Variants in PTCHD4 observed in about 807,000 individuals in gnomAD.
The protein encoded by PTCHD4 is patched domain-containing protein 4.
Under a neutral mutation model 58.1 loss-of-function variants are expected in PTCHD4, and 33 were observed. That is an observed-to-expected ratio of 0.57 (90% CI 0.43 to 0.76). The LOEUF (loss-of-function observed/expected upper bound fraction) is 0.76, where lower values mean the gene tolerates loss of function less well. Ranked by LOEUF, PTCHD4 falls within the 30% of genes least tolerant of loss-of-function variation. The pLI is 0.00. For missense variants in PTCHD4, 1,058 were observed against 1,027.1 expected, an observed-to-expected ratio of 1.03 and a Z score of -0.41; for synonymous variants, 478 against 409.6, an observed-to-expected ratio of 1.17 and a Z score of -2.02.
At chr6:47,905,146 T>C (rs935825056) in intron 4 of PTCHD4, among the ~76,000 whole-genome samples, 2 of 150,564 alleles carry the variant, frequency 1.3e-5, no homozygotes, top group East Asian at 3.9e-4. Context: ...TGGCTGGAGA[T>C]GATGAGTTGT....
Position 48,031,659 on chromosome 6 carries a change from C to T in PTCHD4, c.418-22545G>A, listed in dbSNP as rs142746485. On this transcript the variant is annotated intron_variant, in intron 3 of 4. Transcript: ENST00000339488. ...ATTCGGGAAAATTCAGGGAGGCAAA[C>T]AGTACTGCAAAATAGTAACACCTCT... 2.6e-4 allele frequency among the ~76,000 whole-genome samples: 39 copies of T among 152,100 alleles called. 1 individual carries two copies. Among genetic ancestry groups the T allele is most frequent in the African/African-American group, 9.4e-4 (39 of 41,534 alleles).
chr6:48,043,145 C>T (rs549714567), intron 3 of PTCHD4, among the ~76,000 whole-genome samples: 3 of 151,976 alleles, frequency 2.0e-5, no homozygotes, highest in Non-Finnish European at 4.4e-5. Flanking sequence ...AACACACACA[C>T]AAACCAATGT....
intron 1 of PTCHD4, among the ~76,000 whole-genome samples, chr6:48,091,396 T>C (rs9473236): frequency 0.17 from 25,173 of 151,962 alleles, 2,221 homozygotes; most frequent in African/African-American, 0.23. Flanking sequence ...TAGATAGATA[T>C]TTAGGCCCCA....
intron 4 of PTCHD4, among the ~76,000 whole-genome samples, chr6:47,890,129 ATGTG>A (rs1764331047): frequency 6.6e-6 from 1 of 151,630 alleles, no homozygotes; most frequent in South Asian, 2.1e-4. Flanking sequence ...TATATAGTAT[ATGTG>A]TGTGTGTTTA....
At chr6:48,061,353 T>C (rs1237486467) in intron 3 of PTCHD4, among the ~76,000 whole-genome samples, 1 of 152,224 alleles carries the variant, frequency 6.6e-6, no homozygotes, top group Non-Finnish European at 1.5e-5. Context: ...GAACAGCCTC[T>C]TGATAATTCT....
intron 4 of PTCHD4, among the ~76,000 whole-genome samples, chr6:47,996,611 G>C (rs141994294): frequency 6.6e-6 from 1 of 152,196 alleles, no homozygotes; most frequent in Non-Finnish European, 1.5e-5. Flanking sequence ...TGACCACACA[G>C]TCTTGAGAAT....
chr6:47,971,156 A>G (rs1767489678), intron 4 of PTCHD4, among the ~76,000 whole-genome samples: 1 of 152,176 alleles, frequency 6.6e-6, no homozygotes, highest in South Asian at 2.1e-4. Flanking sequence ...ACAAACAGGA[A>G]AAAGGACATA....
At chr6:47,916,303 G>A (rs1434913881) in intron 4 of PTCHD4, among the ~76,000 whole-genome samples, 1 of 152,056 alleles carries the variant, frequency 6.6e-6, no homozygotes, top group Non-Finnish European at 1.5e-5. Flanking sequence ...TTGCCTAGGT[G>A]GAAACTGGCC....
At chr6:47,899,147 C>T (rs1221063691) in intron 4 of PTCHD4, among the ~76,000 whole-genome samples, 4 of 152,158 alleles carry the variant, frequency 2.6e-5, no homozygotes, top group Non-Finnish European at 4.4e-5. Flanking sequence ...ATATCACATC[C>T]GCCACAACTC....
intron 3 of PTCHD4, among the ~76,000 whole-genome samples, chr6:48,061,303 G>C (rs1182866642): frequency 6.6e-6 from 1 of 152,150 alleles, no homozygotes. Flanking sequence ...CAGGTGACAG[G>C]CTCAACTGTA....
intron 3 of PTCHD4, among the ~76,000 whole-genome samples, chr6:48,041,068 T>A (rs1763829660): frequency 6.6e-6 from 1 of 152,094 alleles, no homozygotes; most frequent in South Asian, 2.1e-4. Context: ...TCAGTAAGTA[T>A]AAATTACCAG....
intron 1 of PTCHD4, among the ~76,000 whole-genome samples, chr6:48,101,285 A>T (rs1028162853): frequency 1.3e-5 from 2 of 152,204 alleles, no homozygotes; most frequent in African/African-American, 4.8e-5. Context: ...TTATTTGGGT[A>T]AAGAGGCCTA....
chr6:47,896,553 T>G (rs1764536349), intron 4 of PTCHD4, among the ~76,000 whole-genome samples: 1 of 152,352 alleles, frequency 6.6e-6, no homozygotes, highest in South Asian at 2.1e-4. Flanking sequence ...CATATTCAAT[T>G]TTAGGAGTTA....
intron 1 of PTCHD4, among the ~76,000 whole-genome samples, chr6:48,099,431 C>A (rs960014435): frequency 6.6e-6 from 1 of 152,068 alleles, no homozygotes. Context: ...AAGCTGGGTA[C>A]AGGATATTAA....
Position 47,868,381 on chromosome 6 carries a change from G to GGCTATATTTCTTGAACT in PTCHD4, c.*9921_*9922insAGTTCAAGAAATATAGC, listed in dbSNP as rs1763627755. On this transcript the variant is annotated 3_prime_UTR_variant, in exon 5 of 5. Coordinates refer to ENST00000339488, the MANE Select transcript of PTCHD4 (RefSeq NM_001384253.1). ...TTATTATTGTGTAACTGGCTATATA[G>GGCTATATTTCTTGAACT]GAAAATTCAAGAAAATGAAACAAAA... Among the ~76,000 whole-genome samples the GGCTATATTTCTTGAACT allele has an allele frequency of 1.3e-5, 2 of 151,598 alleles. No homozygotes were observed. Among genetic ancestry groups the GGCTATATTTCTTGAACT allele is most frequent in the South Asian group, 4.2e-4 (2 of 4,816 alleles).
chr6:47,904,199 C>T (rs1175637933), intron 4 of PTCHD4, among the ~76,000 whole-genome samples: 1 of 152,106 alleles, frequency 6.6e-6, no homozygotes. Context: ...ATAAGATCAC[C>T]TTGGTTGCCA....
Position 47,858,403 on chromosome 6 carries a change from G to C in PTCHD4, c.*19900C>G, listed in dbSNP as rs141300084. On this transcript the variant is annotated 3_prime_UTR_variant, in exon 5 of 5. Transcript: ENST00000339488. The stretch of plus-strand genomic sequence containing the variant: ...AAGATTCAAGTGGATAAAAATATAA[G>C]TAACAATCTCAGCTGAGAATGAGGC... 0.015 allele frequency among the ~76,000 whole-genome samples: 2,223 copies of C among 152,026 alleles called. 53 individuals are homozygous for C. Among genetic ancestry groups the C allele is most frequent in the African/African-American group, 0.048 (1,994 of 41,498 alleles).
intron 1 of PTCHD4, among the ~76,000 whole-genome samples, chr6:48,108,990 G>A (rs1257863754): frequency 2.6e-5 from 4 of 152,012 alleles, no homozygotes; most frequent in Admixed American, 6.6e-5. Context: ...AACATTATGT[G>A]CAAATTTATG....
intron 4 of PTCHD4, among the ~76,000 whole-genome samples, chr6:47,928,678 A>G (rs1242812304): frequency 6.6e-6 from 1 of 152,172 alleles, no homozygotes; most frequent in Non-Finnish European, 1.5e-5. Context: ...TTATATTCAG[A>G]TATATATCAC....
Sources: gnomAD v4.1 joint callset for allele counts (sites outside exome capture counted in the v4.1 genomes callset) on GRCh38, gnomAD v4.1.1 for gene constraint, MANE v1.5 for transcripts, NCBI Gene and HGNC (gene_info 2026-07-23, HGNC 2026-07-21) for gene names.